Variants in MAGI2 observed in about 807,000 individuals in gnomAD.
The protein encoded by MAGI2 is membrane associated guanylate kinase, WW and PDZ domain containing 2.
MAGI2 carries 35 observed loss-of-function variants against 133.3 expected under a neutral mutation model. The observed-to-expected ratio is 0.26, with a 90% CI of 0.20 to 0.35. The LOEUF is 0.35. Ranked by LOEUF, MAGI2 falls within the 10% of genes least tolerant of loss-of-function variation. The probability of loss-of-function intolerance (pLI) is 1.00; values close to 1 mark genes in which losing one functional copy is unlikely to be tolerated. For synonymous variants in MAGI2, 729 were observed against 710.6 expected (o/e 1.03, Z -0.41); for missense variants, 1,636 against 1,863.4 (o/e 0.88, Z 2.25).
chr7:79,280,949 A>G (rs1835592996), intron 1 of MAGI2, among the ~76,000 whole-genome samples: 2 of 145,940 alleles, frequency 1.4e-5, no homozygotes, highest in African/African-American at 5.1e-5. Context: ...AAAAAAAAAA[A>G]AAAAAAAAAA....
intron 1 of MAGI2, among the ~76,000 whole-genome samples, chr7:79,312,499 A>G (rs959668827): frequency 6.6e-6 from 1 of 152,068 alleles, no homozygotes; most frequent in Non-Finnish European, 1.5e-5. Context: ...TTGCTTGTCT[A>G]TTCTATGTAA....
At chr7:78,512,848 G>C (rs1795721697) in intron 4 of MAGI2, among the ~76,000 whole-genome samples, 1 of 152,148 alleles carries the variant, frequency 6.6e-6, no homozygotes, top group African/African-American at 2.4e-5. Context: ...TATGAAAATA[G>C]AAAATTCAAA....
chr7:78,447,755 G>A (rs966858607), intron 6 of MAGI2, among the ~76,000 whole-genome samples: 3 of 152,164 alleles, frequency 2.0e-5, no homozygotes, highest in Non-Finnish European at 4.4e-5. Context: ...TTGCCATTCT[G>A]GCAGGTACCT....
At chr7:78,273,481 T>C (rs1794775095) in intron 9 of MAGI2, among the ~76,000 whole-genome samples, 1 of 152,194 alleles carries the variant, frequency 6.6e-6, no homozygotes, top group South Asian at 2.1e-4. Context: ...GAATGTTGGC[T>C]CCCTTGCTAT....
intron 9 of MAGI2, among the ~76,000 whole-genome samples, chr7:78,270,995 A>T (rs1183387455): frequency 6.6e-6 from 1 of 151,950 alleles, no homozygotes; most frequent in Non-Finnish European, 1.5e-5. Flanking sequence ...AACTTCCAAC[A>T]CTATGTTGAA....
chr7:78,366,956 A>G (rs181953044), intron 7 of MAGI2, among the ~76,000 whole-genome samples: 153 of 152,278 alleles, frequency 1.0e-3, no homozygotes, highest in African/African-American at 3.6e-3. Flanking sequence ...CCTCCCGATC[A>G]CTTAAAATCT....
intron 9 of MAGI2, among the ~76,000 whole-genome samples, chr7:78,275,892 CAT>C (rs1795014605): frequency 6.6e-6 from 1 of 152,156 alleles, no homozygotes; most frequent in African/African-American, 2.4e-5. Context: ...ACACCTGAAA[CAT>C]ATACGTAATA....
chr7:79,367,858 C>CACACACACACACACACACATAT, intron 1 of MAGI2, among the ~76,000 whole-genome samples: 1 of 87,114 alleles, frequency 1.1e-5, no homozygotes, highest in African/African-American at 4.6e-5. Flanking sequence ...ATATATGTGA[C>CACACACACACACACACACATAT]ATATATATAT....
chr7:79,405,424 TTCAG>T (rs1183907214), intron 1 of MAGI2, among the ~76,000 whole-genome samples: 1 of 152,158 alleles, frequency 6.6e-6, no homozygotes, highest in Admixed American at 6.6e-5. Context: ...TAGCTGAGTA[TTCAG>T]ACAGCATTGG....
At chr7:79,316,749 CATTT>C (rs1585545382) in intron 1 of MAGI2, among the ~76,000 whole-genome samples, 1 of 152,150 alleles carries the variant, frequency 6.6e-6, no homozygotes, top group Non-Finnish European at 1.5e-5. Flanking sequence ...AGGTAACTAA[CATTT>C]ATTAAGTGCA....
chr7:78,270,062 G>T (rs1794411692), intron 9 of MAGI2, among the ~76,000 whole-genome samples: 1 of 152,172 alleles, frequency 6.6e-6, no homozygotes, highest in Non-Finnish European at 1.5e-5. Context: ...GTTTGTCAGA[G>T]ATCAAATGCT....
intron 1 of MAGI2, among the ~76,000 whole-genome samples, chr7:79,391,483 T>C (rs2129151115): frequency 7.8e-6 from 1 of 128,488 alleles, no homozygotes; most frequent in South Asian, 2.6e-4. Context: ...AGCAATTACC[T>C]TTAACATATA....
Position 78,029,156 on chromosome 7 carries a change from C to T in MAGI2, c.3707-9180G>A, listed in dbSNP as rs1359225875. 3.3e-5 allele frequency among the ~76,000 whole-genome samples: 5 copies of T among 152,162 alleles called. No individual in the cohort carries two copies. The East Asian group carries it at 5.8e-4, about 18-fold the overall frequency. On this transcript the variant is annotated intron_variant, in intron 21 of 21. Transcript: ENST00000354212. ...GATCAAGGTCTGAAGATACCAAACC[C>T]TTTCTGAACACTCTGAGGGCTAAGG...
At chr7:78,999,199 G>A (rs1179591300) in intron 2 of MAGI2, among the ~76,000 whole-genome samples, 1 of 151,956 alleles carries the variant, frequency 6.6e-6, no homozygotes, top group Non-Finnish European at 1.5e-5. Context: ...AAAAAACAAA[G>A]GAAAGATTGT....
intron 16 of MAGI2, among the ~76,000 whole-genome samples, chr7:78,153,411 C>T (rs1824082766): frequency 6.6e-6 from 1 of 152,164 alleles, no homozygotes; most frequent in African/African-American, 2.4e-5. Context: ...TGGGGGACTG[C>T]CTCTTGCTGC....
At position 78,255,961 on chromosome 7, in the gene MAGI2, A is replaced by G; in HGVS notation, c.2029T>C (p.Leu677=). 6.2e-7 allele frequency: 1 copy of G among 1,613,910 alleles called. No individual in the cohort carries two copies. The highest frequency in any genetic ancestry group is 8.5e-7 in the Non-Finnish European group (1 of 1,179,964). The change falls in exon 10 of 22, where the codon TTG becomes CTG. Residue 677 remains leucine, a synonymous_variant. Transcript: ENST00000354212. ...GTCTTACCTCCTCGATGGATAATCA[A>G]AGAAGTTTCACTTCCAATGGGACAG... ...KDCPIGSETS[L]IIHRGGFFSP... is the part of the protein sequence containing the mutation.
intron 2 of MAGI2, among the ~76,000 whole-genome samples, chr7:78,689,074 A>G (rs1332203187): frequency 2.0e-5 from 3 of 152,220 alleles, no homozygotes; most frequent in Non-Finnish European, 4.4e-5. Flanking sequence ...GAATTAAGCC[A>G]ATATTCTTTC....
intron 10 of MAGI2, among the ~76,000 whole-genome samples, chr7:78,250,662 T>C (rs1435288780): frequency 2.0e-5 from 3 of 152,030 alleles, no homozygotes; most frequent in Non-Finnish European, 4.4e-5. Flanking sequence ...AGATGAATTA[T>C]AAAAATTTCT....
intron 2 of MAGI2, among the ~76,000 whole-genome samples, chr7:78,658,658 C>G (rs1302916365): frequency 6.6e-6 from 1 of 152,118 alleles, no homozygotes; most frequent in Non-Finnish European, 1.5e-5. Context: ...GTCAAACGGG[C>G]AAATGACAGC....
Sources: gnomAD v4.1 joint callset for allele counts (sites outside exome capture counted in the v4.1 genomes callset) on GRCh38, gnomAD v4.1.1 for gene constraint, MANE v1.5 for transcripts, NCBI Gene and HGNC (gene_info 2026-07-23, HGNC 2026-07-21) for gene names.